ST6GALNAC3: variants seen among roughly 807,000 people sequenced by gnomAD.
The protein encoded by ST6GALNAC3 is alpha-N-acetylgalactosaminide alpha-2,6-sialyltransferase 3.
ST6GALNAC3 carries 25 observed loss-of-function variants against 32.7 expected under a neutral mutation model. The observed-to-expected ratio is 0.76, with a 90% CI of 0.56 to 1.07. ST6GALNAC3 has a LOEUF of 1.07. Among genes scored for constraint, ST6GALNAC3 ranks in the 50% least tolerant of loss-of-function variants. The pLI is 0.00. For missense variants in ST6GALNAC3, 355 were observed against 382.4 expected (o/e 0.93, Z 0.60); for synonymous variants, 129 against 133.1 (o/e 0.97, Z 0.21).
At chr1:76,576,250 G>T (rs1345313604) in intron 3 of ST6GALNAC3, among the ~76,000 whole-genome samples, 1 of 152,044 alleles carries the variant, frequency 6.6e-6, no homozygotes, top group African/African-American at 2.4e-5. Flanking sequence ...TTGCCTCCAT[G>T]ATAGTGTTTT....
intron 1 of ST6GALNAC3, among the ~76,000 whole-genome samples, chr1:76,177,710 C>T (rs954985565): frequency 1.3e-5 from 2 of 152,234 alleles, no homozygotes; most frequent in East Asian, 1.9e-4. Flanking sequence ...AGATGATTCC[C>T]GAAGATACCA....
chr1:76,585,159 C>T (rs538514879), intron 3 of ST6GALNAC3, among the ~76,000 whole-genome samples: 27 of 152,166 alleles, frequency 1.8e-4, no homozygotes, highest in African/African-American at 6.3e-4. Flanking sequence ...CCGAGGCAGG[C>T]GGATCACCTG....
Position 76,152,821 on chromosome 1 carries a change from G to A in ST6GALNAC3, c.18+77937G>A, listed in dbSNP as rs538299971. Among the ~76,000 whole-genome samples, 37 of 152,306 alleles carry A rather than the reference G, an allele frequency of 2.4e-4. No individual in the cohort carries two copies. In the South Asian group the frequency reaches 7.3e-3, roughly 30 times the overall value. On this transcript the variant is annotated intron_variant, in intron 1 of 4. Transcript: ENST00000328299. Reference sequence around the variant, plus strand: ...TATCCACTGGGAACATGGAGAAAAGGTTTAGAGGTTCCACCAACATTTTCC... The same window carrying A: ...TATCCACTGGGAACATGGAGAAAAGATTTAGAGGTTCCACCAACATTTTCC...
At position 76,239,016 on chromosome 1, in the gene ST6GALNAC3, C is replaced by T. The variant is rs1035322209; in HGVS notation, c.19-74789C>T. 3.0e-4 allele frequency among the ~76,000 whole-genome samples: 44 copies of T among 144,324 alleles called. 2 individuals are homozygous for T. The highest frequency in any genetic ancestry group is 7.5e-5 in the Non-Finnish European group (5 of 66,950). 94.7% of individuals were successfully genotyped at this position (144,324 alleles called of 152,430 possible). On this transcript the variant is annotated intron_variant, in intron 1 of 4. Coordinates refer to ENST00000328299, the MANE Select transcript of ST6GALNAC3 (RefSeq NM_152996.4). ...AGTAAGATAGAAGTGAGCACAAAAG[C>T]AAGGGGCTGCTGGGCTCCATTGGCA...
chr1:76,538,468 G>A (rs1373771991), intron 3 of ST6GALNAC3, among the ~76,000 whole-genome samples: 1 of 152,096 alleles, frequency 6.6e-6, no homozygotes, highest in East Asian at 1.9e-4. Flanking sequence ...ACAAGACAAG[G>A]ATGCCCTCTC....
intron 2 of ST6GALNAC3, among the ~76,000 whole-genome samples, chr1:76,320,570 C>T (rs1189211764): frequency 6.6e-6 from 1 of 152,050 alleles, no homozygotes; most frequent in Admixed American, 6.6e-5. Context: ...CTCTGACTTC[C>T]AGAGAAGGAA....
chr1:76,352,092 G>A (rs1649026464), intron 2 of ST6GALNAC3, among the ~76,000 whole-genome samples: 1 of 151,864 alleles, frequency 6.6e-6, no homozygotes, highest in Non-Finnish European at 1.5e-5. Context: ...CTCCTTAGAG[G>A]GACAATAATG....
chr1:76,541,250 G>A (rs1663969060), intron 3 of ST6GALNAC3, among the ~76,000 whole-genome samples: 1 of 152,144 alleles, frequency 6.6e-6, no homozygotes, highest in South Asian at 2.1e-4. Context: ...GTGATGAAAA[G>A]TAAGGAAACA....
chr1:76,248,362 T>A (rs183353054), intron 1 of ST6GALNAC3, among the ~76,000 whole-genome samples: 28 of 152,310 alleles, frequency 1.8e-4, no homozygotes, highest in Admixed American at 1.7e-3. Context: ...GCCTTTTCAA[T>A]ATCACCATCT....
chr1:76,537,648 T>C (rs1327862228), intron 3 of ST6GALNAC3, among the ~76,000 whole-genome samples: 1 of 151,950 alleles, frequency 6.6e-6, no homozygotes, highest in Non-Finnish European at 1.5e-5. Flanking sequence ...CATTTCCATA[T>C]AAAAGCGTTA....
chr1:76,360,148 A>G (rs1216845409), intron 2 of ST6GALNAC3, among the ~76,000 whole-genome samples: 1 of 152,210 alleles, frequency 6.6e-6, no homozygotes, highest in Non-Finnish European at 1.5e-5. Flanking sequence ...CTACCTGGGA[A>G]AGAGCTTTTA....
At chr1:76,196,526 C>T (rs375991289) in intron 1 of ST6GALNAC3, among the ~76,000 whole-genome samples, 2 of 151,248 alleles carry the variant, frequency 1.3e-5, no homozygotes, top group African/African-American at 2.4e-5. Flanking sequence ...AGTGCAATGG[C>T]GCGATCTCGG....
chr1:76,365,739 G>A (rs1223220684), intron 2 of ST6GALNAC3, among the ~76,000 whole-genome samples: 1 of 152,104 alleles, frequency 6.6e-6, no homozygotes, highest in Non-Finnish European at 1.5e-5. Flanking sequence ...GACAAGCATG[G>A]CCTTTCAATT....
At position 76,587,707 on chromosome 1, in the gene ST6GALNAC3, T is replaced by A. The variant is rs1335824982; in HGVS notation, c.624-39745T>A. Among the ~76,000 whole-genome samples the A allele has an allele frequency of 2.0e-5, 3 of 152,206 alleles. No individual in the cohort carries two copies. The East Asian group carries it at 5.8e-4, about 29-fold the overall frequency. Reference sequence around the variant, plus strand: ...CGTCAAGTTCTGGGCACGTAATGGCTCTTGATAAATGGAATTTAAAAGGAG... The same window carrying A: ...CGTCAAGTTCTGGGCACGTAATGGCACTTGATAAATGGAATTTAAAAGGAG... On this transcript the variant is annotated intron_variant, in intron 3 of 4. Coordinates refer to ENST00000328299, the MANE Select transcript of ST6GALNAC3 (RefSeq NM_152996.4).
At chr1:76,627,704 G>A in intron 4 of ST6GALNAC3, 145 bp downstream of exon 4, 1 of 720,040 alleles carries the variant, frequency 1.4e-6, no homozygotes, top group South Asian at 1.8e-5. Flanking sequence ...ACATTTTATT[G>A]TCAGTGCGTC....
intron 3 of ST6GALNAC3, among the ~76,000 whole-genome samples, chr1:76,531,398 G>A (rs1297700254): frequency 6.6e-6 from 1 of 152,150 alleles, no homozygotes; most frequent in Non-Finnish European, 1.5e-5. Context: ...GAACTACACT[G>A]GGAATGTATC....
At chr1:76,556,298 T>C (rs1012038198) in intron 3 of ST6GALNAC3, among the ~76,000 whole-genome samples, 4 of 152,152 alleles carry the variant, frequency 2.6e-5, no homozygotes, top group Admixed American at 6.6e-5. Context: ...GACATTTGGG[T>C]TGTCACTTTT....
chr1:76,327,083 G>T (rs990725827), intron 2 of ST6GALNAC3, among the ~76,000 whole-genome samples: 8 of 152,138 alleles, frequency 5.3e-5, no homozygotes, highest in African/African-American at 1.9e-4. Context: ...ATGCCTATGT[G>T]TGTTGAGTTT....
At chr1:76,444,510 G>T (rs1284795062) in intron 3 of ST6GALNAC3, among the ~76,000 whole-genome samples, 1 of 152,174 alleles carries the variant, frequency 6.6e-6, no homozygotes, top group Non-Finnish European at 1.5e-5. Flanking sequence ...ATTAAAACGT[G>T]AAAAAGAATA....
Sources: gnomAD v4.1 joint callset for allele counts (sites outside exome capture counted in the v4.1 genomes callset) on GRCh38, gnomAD v4.1.1 for gene constraint, MANE v1.5 for transcripts, NCBI Gene and HGNC (gene_info 2026-07-23, HGNC 2026-07-21) for gene names.